EPB41L2: variants seen among roughly 807,000 people sequenced by gnomAD.
EPB41L2 encodes the protein erythrocyte membrane protein band 4.1 like 2, also known as band 4.1-like protein 2.
A neutral mutation model predicts 113.0 loss-of-function variants in EPB41L2; 43 were observed. The ratio of observed to expected loss-of-function variants is 0.38; its 90% CI spans 0.30 to 0.49. The LOEUF (loss-of-function observed/expected upper bound fraction) is 0.49. EPB41L2 is among the 20% of genes least tolerant of loss of function. EPB41L2 has a pLI of 0.95. For synonymous variants in EPB41L2, 442 were observed against 436.7 expected (o/e 1.01, Z -0.15); for missense variants, 1,147 against 1,223.4 (o/e 0.94, Z 0.93).
At chr6:130,914,354 C>A (rs80076126) in intron 4 of EPB41L2, among the ~76,000 whole-genome samples, 1 of 152,070 alleles carries the variant, frequency 6.6e-6, no homozygotes, top group Non-Finnish European at 1.5e-5. Flanking sequence ...AGAATTTAAT[C>A]TCTATATGAA....
intron 8 of EPB41L2, among the ~76,000 whole-genome samples, chr6:130,896,184 A>G: frequency 6.6e-6 from 1 of 152,232 alleles, no homozygotes; most frequent in East Asian, 1.9e-4. Context: ...TTTATAAATA[A>G]AAGTATAGTA....
chr6:130,901,631 C>A (rs1796338307), intron 6 of EPB41L2, among the ~76,000 whole-genome samples: 1 of 152,116 alleles, frequency 6.6e-6, no homozygotes, highest in Non-Finnish European at 1.5e-5. Flanking sequence ...ACACCTTTAA[C>A]AACAGTTATT....
At chr6:131,035,890 TA>T (rs973400310) in intron 1 of EPB41L2, among the ~76,000 whole-genome samples, 6 of 152,110 alleles carry the variant, frequency 3.9e-5, no homozygotes, top group Non-Finnish European at 5.9e-5. Flanking sequence ...TCCCATGATT[TA>T]AAAAATGGCA....
In EPB41L2 at chr6:130,977,799, C is replaced by G. The variant is rs1778520191; in HGVS notation, c.-14-21300G>C. Among the ~76,000 whole-genome samples the G allele has an allele frequency of 1.3e-5, 2 of 152,130 alleles. 1 individual carries two copies. The highest frequency in any genetic ancestry group is 1.3e-4 in the Admixed American group (2 of 15,268). On this transcript the variant is annotated intron_variant, in intron 1 of 19. Transcript: ENST00000337057. ...ATAAAAGTAGCAGCTGCTAACCTAC[C>G]TATATAATGGGATTGTTTTAAAGAT...
intron 4 of EPB41L2, among the ~76,000 whole-genome samples, chr6:130,924,382 TTC>T (rs1277737155): frequency 8.5e-6 from 1 of 117,512 alleles, no homozygotes; most frequent in Non-Finnish European, 2.1e-5. Context: ...GATCATGGAG[TTC>T]TTTTTTTTTT....
chr6:131,037,689 A>C (rs922633615), intron 1 of EPB41L2, among the ~76,000 whole-genome samples: 1 of 150,962 alleles, frequency 6.6e-6, no homozygotes, highest in African/African-American at 2.4e-5. Context: ...CCTGGGCTCA[A>C]GCGATTCTCC....
chr6:130,924,566 G>A (rs1374887521), intron 4 of EPB41L2, among the ~76,000 whole-genome samples: 1 of 151,994 alleles, frequency 6.6e-6, no homozygotes, highest in African/African-American at 2.4e-5. Context: ...TTTAATAGTA[G>A]AGACGGGGTT....
intron 3 of EPB41L2, among the ~76,000 whole-genome samples, chr6:130,949,290 A>C (rs1363501995): frequency 6.6e-6 from 1 of 152,168 alleles, no homozygotes; most frequent in East Asian, 1.9e-4. Flanking sequence ...ACCTATAAAA[A>C]ATCCAGTGGT....
chr6:130,894,518 A>T (rs1268329351), intron 9 of EPB41L2, 77 bp from the exon 10 acceptor site: 4 of 1,297,226 alleles, frequency 3.1e-6, no homozygotes, highest in Middle Eastern at 1.9e-4. Context: ...ATGCATTCAG[A>T]TGTTTCTGTG....
intron 19 of EPB41L2, among the ~76,000 whole-genome samples, chr6:130,842,648 C>T (rs939437648): frequency 6.6e-6 from 1 of 152,200 alleles, no homozygotes; most frequent in East Asian, 1.9e-4. Flanking sequence ...TATTGCTTTG[C>T]ATCTGTTTTC....
chr6:130,878,362 C>A (rs1788225351), intron 13 of EPB41L2, 112 bp from the exon 14 acceptor site: 10 of 1,226,082 alleles, frequency 8.2e-6, no homozygotes, highest in Admixed American at 3.3e-5. Context: ...AAAAAAAAAA[C>A]CATAGTAAAG....
At chr6:130,890,071 A>C (rs1346583807) in intron 11 of EPB41L2, among the ~76,000 whole-genome samples, 1 of 152,214 alleles carries the variant, frequency 6.6e-6, no homozygotes, top group Non-Finnish European at 1.5e-5. Flanking sequence ...TTTAAAACAA[A>C]AAAAAAGAAA....
At chr6:130,882,105 A>G (rs904083082) in intron 12 of EPB41L2, 4 of 152,178 alleles carry the variant, frequency 2.6e-5, no homozygotes, top group Non-Finnish European at 4.4e-5. Flanking sequence ...TGCATCCTAA[A>G]TTCTATATCA....
intron 1 of EPB41L2, among the ~76,000 whole-genome samples, chr6:131,057,138 T>G (rs1797758235): frequency 6.6e-6 from 1 of 152,144 alleles, no homozygotes; most frequent in African/African-American, 2.4e-5. Context: ...AACTGAAACA[T>G]CAGTTCTCAA....
At chr6:130,885,720 T>C (rs1366996100) in intron 11 of EPB41L2, among the ~76,000 whole-genome samples, 1 of 152,164 alleles carries the variant, frequency 6.6e-6, no homozygotes, top group Non-Finnish European at 1.5e-5. Context: ...AATTGCTCCA[T>C]AAAGGAACCT....
intron 1 of EPB41L2, among the ~76,000 whole-genome samples, chr6:131,017,631 A>T (rs931132141): frequency 1.3e-5 from 2 of 152,158 alleles, no homozygotes; most frequent in African/African-American, 4.8e-5. Context: ...TGCTATTATC[A>T]ATGTGTCAAT....
intron 1 of EPB41L2, among the ~76,000 whole-genome samples, chr6:130,991,826 G>A (rs1781941785): frequency 6.6e-6 from 1 of 152,090 alleles, no homozygotes; most frequent in Admixed American, 6.6e-5. Flanking sequence ...GGTCTTTGTA[G>A]AAGAAAAATA....
intron 1 of EPB41L2, among the ~76,000 whole-genome samples, chr6:131,046,973 G>T (rs1233037213): frequency 6.6e-6 from 1 of 152,030 alleles, no homozygotes; most frequent in African/African-American, 2.4e-5. Context: ...ATATTCTTAG[G>T]GATAATATAA....
chr6:131,034,414 T>C (rs1226506164), intron 1 of EPB41L2, among the ~76,000 whole-genome samples: 2 of 152,200 alleles, frequency 1.3e-5, no homozygotes, highest in Admixed American at 1.3e-4. Flanking sequence ...TCGAGATCAG[T>C]CTGGGCAGCA....
Sources: gnomAD v4.1 joint callset for allele counts (sites outside exome capture counted in the v4.1 genomes callset) on GRCh38, gnomAD v4.1.1 for gene constraint, MANE v1.5 for transcripts, NCBI Gene and HGNC (gene_info 2026-07-23, HGNC 2026-07-21) for gene names.